KIF19: variants seen among roughly 807,000 people sequenced by gnomAD.
KIF19 encodes the protein kinesin family member 19, also known as kinesin-like protein KIF19.
KIF19 carries 98 observed loss-of-function variants against 106.6 expected under a neutral mutation model. The ratio of observed to expected loss-of-function variants is 0.92; its 90% CI spans 0.78 to 1.09. The LOEUF is 1.09. KIF19 is among the 50% of genes least tolerant of loss of function. The pLI is 0.00. For synonymous variants in KIF19, 516 were observed against 584.2 expected (o/e 0.88, Z 1.68); for missense variants, 1,373 against 1,414.3 (o/e 0.97, Z 0.47).
chr17:74,353,599 T>G lies in KIF19; in HGVS notation c.2308+18T>G. On this transcript the variant is annotated intron_variant, in intron 17 of 19. Transcript: ENST00000389916. The stretch of plus-strand genomic sequence containing the variant: ...CCACAAAGGTATGTGTGCCCTCTGC[T>G]GCCCGGCCACCTCACCTGGCCTTGT... 1.2e-6 allele frequency: 2 copies of G among 1,600,950 alleles called. No homozygotes were observed. Among genetic ancestry groups the G allele is most frequent in the Non-Finnish European group, 1.7e-6 (2 of 1,168,566 alleles).
chr17:74,353,539 G>T lies in KIF19; in HGVS notation c.2266G>T (p.Asp756Tyr). ...GGGCAGCTGGATCAACTCTTCCCCT[G>T]ACAGCAGTGAGAACCTGTCGGAGAT... ...SLGSWINSSP[D>Y]SSENLSEIPL... The change falls in exon 17 of 20, where the codon GAC becomes TAC. Residue 756 changes from aspartate (D) to tyrosine (Y), a missense_variant. Coordinates refer to ENST00000389916, the MANE Select transcript of KIF19 (RefSeq NM_153209.4). 6.2e-7 allele frequency: 1 copy of T among 1,613,898 alleles called. No individual in the cohort carries two copies. Among genetic ancestry groups the T allele is most frequent in the African/African-American group, 1.3e-5 (1 of 75,056 alleles).
intron 5 of KIF19, among the ~76,000 whole-genome samples, 194 bp from the exon 6 acceptor site, chr17:74,344,029 G>T (rs1401994760): frequency 6.6e-6 from 1 of 152,176 alleles, no homozygotes; most frequent in Non-Finnish European, 1.5e-5. Flanking sequence ...GTTTCCTGTG[G>T]ATGCTGAAGC....
rs148257679 is a variant in KIF19 at position 74,335,264 on chromosome 17, A to G, written c.121-6612A>G. 9.3e-3 allele frequency among the ~76,000 whole-genome samples: 1,412 copies of G among 152,350 alleles called. 35 individuals are homozygous for G. The highest frequency in any genetic ancestry group is 0.032 in the African/African-American group (1,322 of 41,584). ...CAATGCACAGAACTGCCCCCACAGCAAAGAATGATCCAGCCCAAAATGTCA... is the reference window on the plus strand; with the variant it reads ...CAATGCACAGAACTGCCCCCACAGCGAAGAATGATCCAGCCCAAAATGTCA... On this transcript the variant is annotated intron_variant, in intron 2 of 19. Transcript: ENST00000389916.
At position 74,337,049 on chromosome 17, in the gene KIF19, G is replaced by A. The variant is rs371569738; in HGVS notation, c.121-4827G>A. On this transcript the variant is annotated intron_variant, in intron 2 of 19. Coordinates refer to ENST00000389916, the MANE Select transcript of KIF19 (RefSeq NM_153209.4). ...GGGTTTCGCCATGTTGGCCAGGCTG[G>A]TCTCGAACTCCTGACCTCAAGTGAT... 9.9e-5 allele frequency among the ~76,000 whole-genome samples: 15 copies of A among 152,186 alleles called. No homozygotes were observed. In the East Asian group the frequency reaches 2.3e-3, roughly 24 times the overall value.
At chr17:74,349,634 C>T (rs1416656679) in intron 10 of KIF19, among the ~76,000 whole-genome samples, 1 of 152,214 alleles carries the variant, frequency 6.6e-6, no homozygotes, top group African/African-American at 2.4e-5. Context: ...CTGCGCAGGG[C>T]GCACACTAAG....
At position 74,352,668 on chromosome 17, in the gene KIF19, T is replaced by C. The variant is rs191831740; in HGVS notation, c.1981-153T>C. Among the ~76,000 whole-genome samples the C allele has an allele frequency of 4.7e-4, 71 of 152,190 alleles. No homozygotes were observed. The East Asian group carries it at 0.011, about 24-fold the overall frequency. On this transcript the variant is annotated intron_variant, in intron 14 of 19. Transcript: ENST00000389916. ...CTGGGGAAGCCTAGCAGACCACAGC[T>C]TAACCCCGAGGACCCAAACACAAGC...
intron 2 of KIF19, among the ~76,000 whole-genome samples, chr17:74,341,349 G>A (rs75526389): frequency 0.014 from 2,151 of 152,322 alleles, 120 homozygotes; most frequent in Admixed American, 0.1. Flanking sequence ...GAGACTGTAT[G>A]TGTGGGTGCT....
At chr17:74,332,203 TG>T (rs1567897511) in intron 2 of KIF19, among the ~76,000 whole-genome samples, 5,475 of 56,376 alleles carry the variant, frequency 0.097, 157 homozygotes, top group Non-Finnish European at 0.13. Context: ...TGTGTGTGTG[TG>T]TGTGTTTGTG....
chr17:74,344,910 C>T lies in KIF19; in HGVS notation c.732C>T (p.Gly244=), dbSNP rs1470641078. ...VKNILQEVRQ[G]RLFMIDLAGS... ...ACATCTTGCAGGAGGTGCGGCAGGG[C>T]CGCCTGTTCATGATCGACCTGGCTG... Residue 244 remains glycine, a synonymous_variant, in exon 7 of 20, where the codon GGC becomes GGT. Transcript: ENST00000389916. 11 of 1,611,138 alleles carry T rather than the reference C, an allele frequency of 6.8e-6. No individual in the cohort carries two copies. The highest frequency in any genetic ancestry group is 9.3e-6 in the Non-Finnish European group (11 of 1,179,624).
At chr17:74,338,270 C>T (rs532791638) in intron 2 of KIF19, among the ~76,000 whole-genome samples, 21 of 152,208 alleles carry the variant, frequency 1.4e-4, no homozygotes, top group Admixed American at 2.0e-4. Flanking sequence ...GGACCCATAC[C>T]GGGGAACTCA....
At chr17:74,347,536 C>CAAAA (rs570278328) in intron 8 of KIF19, among the ~76,000 whole-genome samples, 9 of 109,872 alleles carry the variant, frequency 8.2e-5, no homozygotes, top group African/African-American at 3.1e-4. Flanking sequence ...GACCCTGTCT[C>CAAAA]AAAAAAAAAA....
rs1221138718 is a variant in KIF19 at position 74,346,866 on chromosome 17, GC to G, written c.924+346del. 6.6e-6 allele frequency among the ~76,000 whole-genome samples: 1 copy of G among 152,168 alleles called. No homozygotes were observed. Among genetic ancestry groups the G allele is most frequent in the African/African-American group, 2.4e-5 (1 of 41,424 alleles). ...GTGCAGGTGGGCAGTCAGCCTCATG[GC>G]CCCACAGGTCAGCTGTTTGGGGGTG... On this transcript the variant is annotated intron_variant, in intron 8 of 19. Coordinates refer to ENST00000389916, the MANE Select transcript of KIF19 (RefSeq NM_153209.4). This position sits in a 1 kb window ranked among gnomAD's most constrained non-coding sequence, Gnocchi z 4.6.
chr17:74,354,851 G>C lies in KIF19; in HGVS notation c.2776G>C (p.Val926Leu). 1 of 1,563,174 alleles carries C rather than the reference G, an allele frequency of 6.4e-7. No homozygotes were observed. The highest frequency in any genetic ancestry group is 1.2e-5 in the South Asian group (1 of 84,646). The change falls in exon 19 of 20, where the codon GTG (valine) becomes CTG (leucine). Residue 926 changes from valine (V) to leucine (L), a missense_variant. Around this residue, in one of 3 missense-constraint regions of KIF19, gnomAD observed 1,020 missense variants for 1,008.2 expected, o/e 1.01. Transcript: ENST00000389916. ...GCGCATCTCGGACCACAGGATGCCA[G>C]TGTGCAGGCACCCAGCCCCTGGTAT... ...AERISDHRMP[V>L]CRHPAPGIRH...
At position 74,354,245 on chromosome 17, in the gene KIF19, C is replaced by T. The variant is rs199828459; in HGVS notation, c.2392C>T (p.Arg798Ter). The T allele has an allele frequency of 9.2e-5, 148 of 1,608,312 alleles. No individual in the cohort carries two copies. Among genetic ancestry groups the T allele is most frequent in the Non-Finnish European group, 1.1e-4 (134 of 1,179,380 alleles). ...CTCGCGGGCCCTGGGAACCGAGGGG[C>T]GACACCTGCTGGCACCCGCGACAGA... Reference protein sequence around the residue: ...RRSRALGTEGRHLLAPATERS... With the variant: ...RRSRALGTEG Residue 798 changes from arginine (R) to a stop codon, truncating the protein, a stop_gained, in exon 18 of 20, where the codon CGA (arginine) becomes TGA (stop). Coordinates refer to ENST00000389916, the MANE Select transcript of KIF19 (RefSeq NM_153209.4). LOFTEE classifies it high-confidence loss of function.
At chr17:74,349,128 C>G in intron 9 of KIF19, 56 bp from the exon 10 acceptor site, 5 of 1,596,154 alleles carry the variant, frequency 3.1e-6, no homozygotes, top group Non-Finnish European at 4.3e-6. Context: ...AGGCAGGCCT[C>G]GGTGAGTGCA....
At position 74,352,060 on chromosome 17, in the gene KIF19, A is replaced by G. The variant is rs1224023892; in HGVS notation, c.1781A>G (p.His594Arg). Reference sequence around the variant, plus strand: ...CGCGACGGTGCGCTCCGCCACCGCCACGAGGCCGTGCGCCGCCTGGAGCAG... The same window carrying G: ...CGCGACGGTGCGCTCCGCCACCGCCGCGAGGCCGTGCGCCGCCTGGAGCAG... ...LLRDGALRHR[H>R]EAVRRLEQHR... Residue 594 changes from histidine (H) to arginine (R), a missense_variant, in exon 13 of 20, where the codon CAC becomes CGC. Coordinates refer to ENST00000389916, the MANE Select transcript of KIF19 (RefSeq NM_153209.4). 3 of 1,589,878 alleles carry G rather than the reference A, an allele frequency of 1.9e-6. No homozygotes were observed. The highest frequency in any genetic ancestry group is 8.5e-7 in the Non-Finnish European group (1 of 1,173,302).
chr17:74,344,016 G>T (rs778607096), intron 5 of KIF19, among the ~76,000 whole-genome samples: 1 of 152,166 alleles, frequency 6.6e-6, no homozygotes, highest in South Asian at 2.1e-4. Flanking sequence ...CCAGCAGCCC[G>T]ATGTTTCCTG....
chr17:74,353,675 G>A, intron 17 of KIF19, 94 bp downstream of exon 17: 2 of 995,228 alleles, frequency 2.0e-6, no homozygotes, highest in Non-Finnish European at 1.6e-6. Flanking sequence ...CCTCTGCACT[G>A]CCAAGTGCAA....
rs1454966373 is a variant in KIF19 at position 74,346,416 on chromosome 17, C to T, written c.816C>T (p.His272=). 6.4e-7 allele frequency: 1 copy of T among 1,574,644 alleles called. No homozygotes were observed. The highest frequency in any genetic ancestry group is 8.6e-7 in the Non-Finnish European group (1 of 1,160,340). Residue 272 remains histidine (H), a synonymous_variant, in exon 8 of 20, where the codon CAC becomes CAT. Coordinates refer to ENST00000389916, the MANE Select transcript of KIF19 (RefSeq NM_153209.4). This position sits in a 1 kb window ranked among gnomAD's most constrained non-coding sequence, Gnocchi z 4.6. ...NRGQRMKEGA[H]INRSLLALGN... Reference sequence around the variant, plus strand: ...GGCAGCGTATGAAGGAGGGGGCCCACATCAACCGCTCACTGCTGGCACTGG... The same window carrying T: ...GGCAGCGTATGAAGGAGGGGGCCCATATCAACCGCTCACTGCTGGCACTGG...
Sources: gnomAD v4.1 joint callset for allele counts (sites outside exome capture counted in the v4.1 genomes callset) on GRCh38, gnomAD v4.1.1 for gene constraint, gnomAD v4.1.1 regional missense constraint, Gnocchi (gnomAD v3.1) non-coding constraint, MANE v1.5 for transcripts, NCBI Gene and HGNC (gene_info 2026-07-23, HGNC 2026-07-21) for gene names.